CEP68: variants seen among roughly 807,000 people sequenced by gnomAD.
CEP68 encodes the protein centrosomal protein 68.
CEP68 carries 26 observed loss-of-function variants against 55.3 expected under a neutral mutation model. That is an observed-to-expected ratio of 0.47 (90% CI 0.34 to 0.65). The LOEUF is 0.65. CEP68 is among the 30% of genes least tolerant of loss of function. CEP68 has a pLI of 0.01. For missense variants in CEP68, 957 were observed against 946.7 expected, an observed-to-expected ratio of 1.01 and a Z score of -0.14; for synonymous variants, 402 against 383.2, an observed-to-expected ratio of 1.05 and a Z score of -0.57.
At chr2:65,077,653 A>G (rs1676827194) in intron 4 of CEP68, among the ~76,000 whole-genome samples, 1 of 152,308 alleles carries the variant, frequency 6.6e-6, no homozygotes. Flanking sequence ...ATGTCAAACT[A>G]AACAGGAAAA....
intron 1 of CEP68, among the ~76,000 whole-genome samples, chr2:65,067,475 T>A (rs1222286630): frequency 1.3e-5 from 2 of 152,094 alleles, no homozygotes; most frequent in Non-Finnish European, 2.9e-5. Context: ...GTTCCCTGAT[T>A]TTGTGGGAGT....
intron 5 of CEP68, among the ~76,000 whole-genome samples, chr2:65,078,363 C>T (rs1676858589): frequency 6.6e-6 from 1 of 152,128 alleles, no homozygotes; most frequent in Non-Finnish European, 1.5e-5. Flanking sequence ...GGTTGAATTC[C>T]TCTCTGATTA....
At chr2:65,079,661 C>T (rs1187850510) in intron 5 of CEP68, among the ~76,000 whole-genome samples, 1 of 152,194 alleles carries the variant, frequency 6.6e-6, no homozygotes, top group Non-Finnish European at 1.5e-5. Context: ...AAGCAGTTGG[C>T]ACATCAGTGT....
intron 5 of CEP68, among the ~76,000 whole-genome samples, chr2:65,080,970 G>A (rs1038101971): frequency 6.6e-6 from 1 of 152,006 alleles, no homozygotes; most frequent in African/African-American, 2.4e-5. Context: ...CAGCACTTTG[G>A]GAGGCCAAGG....
intron 1 of CEP68, among the ~76,000 whole-genome samples, chr2:65,068,736 A>G (rs1676316303): frequency 6.6e-6 from 1 of 152,126 alleles, no homozygotes. Flanking sequence ...CTGAGGTGGG[A>G]GGATCACCTG....
chr2:65,075,585 A>C (rs1347218311), intron 4 of CEP68, among the ~76,000 whole-genome samples: 1 of 152,214 alleles, frequency 6.6e-6, no homozygotes, highest in Non-Finnish European at 1.5e-5. Context: ...GTTCTGGCAT[A>C]ATAATAGGTC....
rs921894381 is a variant in CEP68 at position 65,072,478 on chromosome 2, G to A, written c.1382G>A (p.Arg461Gln). 9.3e-6 allele frequency: 15 copies of A among 1,614,058 alleles called. No homozygotes were observed. The South Asian group carries it at 1.1e-4, about 12-fold the overall frequency. Residue 461 changes from arginine to glutamine, a missense_variant, in exon 3 of 7, where the codon CGG (arginine) becomes CAG (glutamine). Coordinates refer to ENST00000377990, the MANE Select transcript of CEP68 (RefSeq NM_015147.3). Reference protein sequence around the residue: ...EREKRTSQSARRPTCTESRWK... With the variant: ...EREKRTSQSAQRPTCTESRWK... ...GAGAAGAGGACCAGCCAGAGTGCCC[G>A]GCGCCCTACCTGCACAGAGTCTAGG... is the stretch of plus-strand genomic sequence containing the variant.
chr2:65,073,062 G>A, intron 3 of CEP68, 82 bp downstream of exon 3: 1 of 1,492,144 alleles, frequency 6.7e-7, no homozygotes, highest in Non-Finnish European at 9.3e-7. Flanking sequence ...AATAAAACAT[G>A]TTCATGTTGA....
chr2:65,069,648 TG>T lies in CEP68; in HGVS notation c.207del (p.Thr70LeufsTer22). On this transcript the variant is annotated frameshift_variant, in exon 2 of 7. Transcript: ENST00000377990. LOFTEE classifies it high-confidence loss of function. ...GGATACCTGCCCCTACTTGCTGGAT[TG>T]GGACTGACCCTGGCGGCCCCTCTAG... Reference protein sequence around the residue: ...EGIPAPTCWIGTDPGGPSRAH... With the variant: ...EGIPAPTCWIXTDPGGPSRAH... 1 of 1,614,056 alleles carries T rather than the reference TG, an allele frequency of 6.2e-7. No homozygotes were observed. Among genetic ancestry groups the T allele is most frequent in the Non-Finnish European group, 8.5e-7 (1 of 1,180,014 alleles).
rs143932991 is a variant in CEP68, at chr2:65,059,944, T to A, written c.-47+3416T>A. Among the ~76,000 whole-genome samples the A allele has an allele frequency of 8.5e-3, 1,286 of 151,946 alleles. 23 individuals carry two copies. Among genetic ancestry groups the A allele is most frequent in the African/African-American group, 0.029 (1,193 of 41,184 alleles). On this transcript the variant is annotated intron_variant, in intron 1 of 6. Transcript: ENST00000377990. ...TGGGTAAATGGGTTTTATTTTCTTA[T>A]GGTATTGGAATAAAATCTTGGGTTT...
intron 5 of CEP68, among the ~76,000 whole-genome samples, chr2:65,080,857 T>G (rs916529378): frequency 7.9e-5 from 12 of 152,016 alleles, no homozygotes; most frequent in African/African-American, 2.9e-4. Flanking sequence ...AACATAAAGT[T>G]GTCCCTGAAC....
intron 1 of CEP68, among the ~76,000 whole-genome samples, chr2:65,059,825 C>A (rs568253815): frequency 2.0e-5 from 3 of 152,160 alleles, no homozygotes; most frequent in Non-Finnish European, 4.4e-5. Flanking sequence ...GCATTCCCAA[C>A]GAGCTCTGAG....
rs199988577 is a variant in CEP68 at position 65,072,817 on chromosome 2, T to C, written c.1721T>C (p.Leu574Pro). The change falls in exon 3 of 7, where the codon CTG (leucine) becomes CCG (proline). Residue 574 changes from leucine (L) to proline (P), a missense_variant. Physicochemically the swap from Leu to Pro is moderately conservative, Grantham distance 98 (BLOSUM62 -3). Transcript: ENST00000377990. ...RAHDSAGEGS[L>P]GSSQALGVSS... ...CACGACTCCGCAGGGGAAGGCAGTCTGGGGAGCAGCCAGGCCCTCGGGGTC... is the reference window on the plus strand; with the variant it reads ...CACGACTCCGCAGGGGAAGGCAGTCCGGGGAGCAGCCAGGCCCTCGGGGTC... 3.4e-5 allele frequency: 55 copies of C among 1,614,024 alleles called. No individual in the cohort carries two copies. In the African/African-American group the frequency reaches 5.6e-4, roughly 16 times the overall value.
chr2:65,084,844 A>G lies in CEP68; in HGVS notation c.*1210A>G, dbSNP rs570936651. 11 of 152,296 alleles carry G rather than the reference A, an allele frequency of 7.2e-5. No individual in the cohort carries two copies. The highest frequency in any genetic ancestry group is 1.2e-4 in the African/African-American group (5 of 41,582). 9.4% of individuals were successfully genotyped at this position (152,296 alleles called of 1,614,324 possible). On this transcript the variant is annotated 3_prime_UTR_variant, in exon 7 of 7. Coordinates refer to ENST00000377990, the MANE Select transcript of CEP68 (RefSeq NM_015147.3). ...TTCAAGTGCCTGATGCTGCTGTGGT[A>G]TGCTTTATCATAATGCTTAAGGGCA...
intron 5 of CEP68, among the ~76,000 whole-genome samples, chr2:65,078,329 T>C (rs968263322): frequency 2.6e-5 from 4 of 152,222 alleles, no homozygotes; most frequent in Non-Finnish European, 5.9e-5. Flanking sequence ...GGTATCCCTT[T>C]GGTTCCCCAC....
At chr2:65,057,232 C>T (rs187969631) in intron 1 of CEP68, among the ~76,000 whole-genome samples, 2 of 152,342 alleles carry the variant, frequency 1.3e-5, no homozygotes, top group East Asian at 3.9e-4. Flanking sequence ...GATTGGACCT[C>T]ACTGGGAATT....
At chr2:65,060,004 CTCTA>C (rs2103741854) in intron 1 of CEP68, among the ~76,000 whole-genome samples, 1 of 150,812 alleles carries the variant, frequency 6.6e-6, no homozygotes, top group Non-Finnish European at 1.5e-5. Context: ...TTAACAATTT[CTCTA>C]TCTTGTTAAA....
intron 1 of CEP68, among the ~76,000 whole-genome samples, chr2:65,060,497 A>G (rs1006699710): frequency 6.6e-6 from 1 of 152,124 alleles, no homozygotes; most frequent in African/African-American, 2.4e-5. Context: ...TGGGAGGCCA[A>G]GGAGGGAGGA....
At chr2:65,057,534 G>T (rs1243596133) in intron 1 of CEP68, among the ~76,000 whole-genome samples, 2 of 152,116 alleles carry the variant, frequency 1.3e-5, no homozygotes, top group Non-Finnish European at 2.9e-5. Context: ...CCCACCCTGC[G>T]ACTGATAACT....
Sources: gnomAD v4.1 joint callset for allele counts (sites outside exome capture counted in the v4.1 genomes callset) on GRCh38, gnomAD v4.1.1 for gene constraint, MANE v1.5 for transcripts, NCBI Gene and HGNC (gene_info 2026-07-23, HGNC 2026-07-21) for gene names.